The following FLVCR1 variants were observed in gnomAD, a reference collection of about 807,000 sequenced individuals.
FLVCR1 encodes FLVCR choline and heme transporter 1.
Under a neutral mutation model 53.6 loss-of-function variants are expected in FLVCR1, and 34 were observed. The ratio of observed to expected loss-of-function variants is 0.63; its 90% CI spans 0.48 to 0.84. The LOEUF (loss-of-function observed/expected upper bound fraction) is 0.84, where lower values mean the gene tolerates loss of function less well. Ranked by LOEUF, FLVCR1 falls within the 40% of genes least tolerant of loss-of-function variation. The pLI is 0.00. For missense variants in FLVCR1, 677 were observed against 696.7 expected, an observed-to-expected ratio of 0.97 and a Z score of 0.32; for synonymous variants, 300 against 286.3, an observed-to-expected ratio of 1.05 and a Z score of -0.48.
chr1:212,884,494 A>G (rs372089606), intron 4 of FLVCR1, among the ~76,000 whole-genome samples: 67 of 152,310 alleles, frequency 4.4e-4, no homozygotes, highest in African/African-American at 1.4e-3. Flanking sequence ...AGGAAATAAT[A>G]TGATTGGTTA....
In FLVCR1 at chr1:212,863,798, C is replaced by A; in HGVS notation, c.812C>A (p.Ala271Asp). Residue 271 changes from alanine to aspartate, a missense_variant, in exon 2 of 10, where the codon GCT becomes GAT. By Grantham distance (126) the Ala-to-Asp change is moderately radical (BLOSUM62 -2). Transcript: ENST00000366971. ...ACACAGAATGACACAAATCTCCTGG[C>A]TTGTAATATCAGCACCATGTTTTAT... ...PNTQNDTNLLACNISTMFYGT... is the reference protein window; with the variant it reads ...PNTQNDTNLLDCNISTMFYGT... 6.2e-7 allele frequency: 1 copy of A among 1,613,550 alleles called. No individual in the cohort carries two copies. Among genetic ancestry groups the A allele is most frequent in the Non-Finnish European group, 8.5e-7 (1 of 1,179,520 alleles).
intron 2 of FLVCR1, among the ~76,000 whole-genome samples, chr1:212,864,925 C>T (rs551146495): frequency 2.6e-5 from 4 of 152,080 alleles, no homozygotes; most frequent in Non-Finnish European, 2.9e-5. Flanking sequence ...CTTAATTTCC[C>T]TTAATATAAT....
rs1442175334 is a variant in FLVCR1, at chr1:212,896,034, G to T, written c.*744G>T. The T allele has an allele frequency of 1.3e-5, 2 of 152,038 alleles. No homozygotes were observed. Among genetic ancestry groups the T allele is most frequent in the African/African-American group, 4.8e-5 (2 of 41,388 alleles). 9.4% of individuals were successfully genotyped at this position (152,038 alleles called of 1,614,324 possible). A position where few individuals can be genotyped will look rare whatever the true frequency, so the allele number is the denominator to read the frequency against. Reference sequence around the variant, plus strand: ...TCTGTCTTGAGTTCTTTTCTGTGCTGCCTTTCTATCATGGATAAATGCTAA... The same window carrying T: ...TCTGTCTTGAGTTCTTTTCTGTGCTTCCTTTCTATCATGGATAAATGCTAA... On this transcript the variant is annotated 3_prime_UTR_variant, in exon 10 of 10. Coordinates refer to ENST00000366971, the MANE Select transcript of FLVCR1 (RefSeq NM_014053.4).
chr1:212,872,179 G>A (rs2047293), intron 2 of FLVCR1, among the ~76,000 whole-genome samples: 106,367 of 151,902 alleles, frequency 0.7, 38,453 homozygotes, highest in East Asian at 1. Context: ...CAATGGCGCA[G>A]TCACAGCTCA....
intron 2 of FLVCR1, among the ~76,000 whole-genome samples, chr1:212,872,144 CTGCTCTGT>C (rs1236496190): frequency 2.0e-5 from 3 of 151,720 alleles, no homozygotes; most frequent in Non-Finnish European, 4.4e-5. Context: ...AGACAGGGTC[CTGCTCTGT>C]TGCCCAGGCT....
rs1274821663 is a variant in FLVCR1 at position 212,859,032 on chromosome 1, A to T, written c.580A>T (p.Ser194Cys). ...NCLGAWIKCG[S>C]VQQHLFWVTM... ...CCTGGGTGCCTGGATCAAGTGCGGC[A>T]GTGTGCAGCAGCATCTCTTCTGGGT... The change falls in exon 1 of 10, where the codon AGT (serine) becomes TGT (cysteine). Residue 194 changes from serine to cysteine, a missense_variant. Ser to Cys is a moderately radical substitution (Grantham distance 112). Coordinates refer to ENST00000366971, the MANE Select transcript of FLVCR1 (RefSeq NM_014053.4). The T allele has an allele frequency of 2.5e-6, 4 of 1,611,618 alleles. No homozygotes were observed. The highest frequency in any genetic ancestry group is 3.4e-6 in the Non-Finnish European group (4 of 1,178,216).
At chr1:212,871,393 G>GT (rs931579274) in intron 2 of FLVCR1, among the ~76,000 whole-genome samples, 2 of 152,064 alleles carry the variant, frequency 1.3e-5, no homozygotes, top group African/African-American at 2.4e-5. Context: ...TCTGTAAATA[G>GT]TTTTTTGTGT....
At position 212,861,079 on chromosome 1, in the gene FLVCR1, G is replaced by A. The variant is rs1664227344; in HGVS notation, c.738+1889G>A. Among the ~76,000 whole-genome samples, 4 of 152,220 alleles carry A rather than the reference G, an allele frequency of 2.6e-5. No individual in the cohort carries two copies. In the South Asian group the frequency reaches 8.3e-4, roughly 32 times the overall value. ...CTTACCCCCTGCAGTGGCTTCCATT[G>A]TCCTTAGGATAAAATTCAAACACTC... On this transcript the variant is annotated intron_variant, in intron 1 of 9. Transcript: ENST00000366971.
chr1:212,858,629 C>T lies in FLVCR1; in HGVS notation c.177C>T (p.Ala59=), dbSNP rs1279641374. The T allele has an allele frequency of 6.5e-7, 1 of 1,533,726 alleles. No homozygotes were observed. The highest frequency in any genetic ancestry group is 8.8e-7 in the Non-Finnish European group (1 of 1,140,022). The change falls in exon 1 of 10, where the codon GCC becomes GCT. Residue 59 remains alanine, a synonymous_variant. Transcript: ENST00000366971. The part of the protein sequence containing the change: ...VNGAPRDSLA[A]ASGVLGGPQT... ...GGGCCCCCCGGGACAGCCTCGCTGC[C>T]GCCTCGGGAGTTCTGGGCGGGCCTC...
chr1:212,877,021 T>A (rs1664770476), intron 3 of FLVCR1, among the ~76,000 whole-genome samples: 1 of 152,208 alleles, frequency 6.6e-6, no homozygotes, highest in Non-Finnish European at 1.5e-5. Context: ...ATTTTAATAA[T>A]CGTCATTCTG....
chr1:212,862,936 T>C (rs530064888), intron 1 of FLVCR1, among the ~76,000 whole-genome samples: 3 of 152,360 alleles, frequency 2.0e-5, no homozygotes, highest in South Asian at 4.1e-4. Context: ...CAAATGCTTA[T>C]TGACCATTTG....
chr1:212,871,603 G>A (rs1664597826), intron 2 of FLVCR1, among the ~76,000 whole-genome samples: 1 of 151,998 alleles, frequency 6.6e-6, no homozygotes, highest in Admixed American at 6.6e-5. Flanking sequence ...TTTTTTTCTA[G>A]AGACAGTCTT....
rs1249762753 is a variant in FLVCR1, at chr1:212,898,644, A to T, written c.*3354A>T. ...TGTATTTTGAGTGAAAGTTGTCTGT[A>T]ATATGTCAAGCAAGAATGTTATAAT... On this transcript the variant is annotated 3_prime_UTR_variant, in exon 10 of 10. Transcript: ENST00000366971. 6.6e-6 allele frequency: 1 copy of T among 152,240 alleles called. No individual in the cohort carries two copies. The highest frequency in any genetic ancestry group is 1.5e-5 in the Non-Finnish European group (1 of 68,050). The allele number at this position is 152,240 out of a possible 1,614,324, so 9.4% of individuals were successfully genotyped here. A position where few individuals can be genotyped will look rare whatever the true frequency, so the allele number is the denominator to read the frequency against.
chr1:212,861,636 T>G (rs1316003404), intron 1 of FLVCR1, among the ~76,000 whole-genome samples: 1 of 152,060 alleles, frequency 6.6e-6, no homozygotes, highest in African/African-American at 2.4e-5. Context: ...ACCAGTTATA[T>G]TCTTTCTATC....
rs932347743 is a variant in FLVCR1, at chr1:212,898,641, T to G, written c.*3351T>G. 1 of 152,196 alleles carries G rather than the reference T, an allele frequency of 6.6e-6. No homozygotes were observed. The highest frequency in any genetic ancestry group is 2.4e-5 in the African/African-American group (1 of 41,454). The allele number at this position is 152,196 out of a possible 1,614,324, so 9.4% of individuals were successfully genotyped here. A position where few individuals can be genotyped will look rare whatever the true frequency, so the allele number is the denominator to read the frequency against. On this transcript the variant is annotated 3_prime_UTR_variant, in exon 10 of 10. Coordinates refer to ENST00000366971, the MANE Select transcript of FLVCR1 (RefSeq NM_014053.4). ...TTCTGTATTTTGAGTGAAAGTTGTC[T>G]GTAATATGTCAAGCAAGAATGTTAT...
At chr1:212,866,080 A>G (rs1430374451) in intron 2 of FLVCR1, among the ~76,000 whole-genome samples, 2 of 146,602 alleles carry the variant, frequency 1.4e-5, no homozygotes, top group African/African-American at 5.1e-5. Context: ...TGCCTCCCAC[A>G]TTCAAGGGAT....
In FLVCR1 at chr1:212,865,976, GTTTGGT is replaced by G. The variant is rs1472612189; in HGVS notation, c.883+2111_883+2116del. 3.5e-4 allele frequency among the ~76,000 whole-genome samples: 14 copies of G among 40,262 alleles called. No individual in the cohort carries two copies. In the South Asian group the frequency reaches 5.6e-3, roughly 16 times the overall value. 26.4% of individuals were successfully genotyped at this position (40,262 alleles called of 152,430 possible). On this transcript the variant is annotated intron_variant, in intron 2 of 9. Coordinates refer to ENST00000366971, the MANE Select transcript of FLVCR1 (RefSeq NM_014053.4). ...TACAGGCATTTGGCTAATTTTTGGG[GTTTGGT>G]TTTTTTTTTTTTTTTTTTTTGAGAC...
chr1:212,894,970 T>G lies in FLVCR1; in HGVS notation c.1526-16T>G. On this transcript the variant is annotated splice_polypyrimidine_tract_variant and intron_variant, in intron 8 of 9. Coordinates refer to ENST00000366971, the MANE Select transcript of FLVCR1 (RefSeq NM_014053.4). ...CACATAACAGTTTATAGTAACTTGA[T>G]GCCCCTCTGTTTCAGCATTAATCAA... 1 of 1,576,068 alleles carries G rather than the reference T, an allele frequency of 6.3e-7. No individual in the cohort carries two copies. The highest frequency in any genetic ancestry group is 2.2e-5 in the East Asian group (1 of 44,638).
chr1:212,864,429 C>T (rs1406550581), intron 2 of FLVCR1: 1 of 158,096 alleles, frequency 6.3e-6, no homozygotes, highest in Non-Finnish European at 1.4e-5. Flanking sequence ...CCACTCGTCA[C>T]TGAGTCCTCT....
Sources: allele counts gnomAD v4.1 joint callset (sites outside exome capture counted in the v4.1 genomes callset), GRCh38; gene constraint gnomAD v4.1.1; transcripts MANE v1.5; gene names NCBI Gene and HGNC (gene_info 2026-07-23, HGNC 2026-07-21).